STMN1: variants seen among roughly 807,000 people sequenced by gnomAD.
STMN1 encodes the protein stathmin.
Under a neutral mutation model 19.7 loss-of-function variants are expected in STMN1, and 3 were observed. The observed-to-expected ratio is 0.15, with a 90% CI of 0.07 to 0.39. STMN1 has a LOEUF of 0.39. Ranked by LOEUF, STMN1 falls within the 10% of genes least tolerant of loss-of-function variation. The pLI is 1.00. For synonymous variants in STMN1, 59 were observed against 58.9 expected (o/e 1.00, Z -0.01); for missense variants, 99 against 176.0 (o/e 0.56, Z 2.48).
Position 25,904,693 on chromosome 1 carries a change from G to A in STMN1, c.-17C>T. 6.2e-7 allele frequency: 1 copy of A among 1,613,624 alleles called. No individual in the cohort carries two copies. Among genetic ancestry groups the A allele is most frequent in the Non-Finnish European group, 8.5e-7 (1 of 1,179,858 alleles). The stretch of plus-strand genomic sequence containing the variant: ...AGAAGCCATGGTGAATAGAAGACAA[G>A]CGACAGGCAGTGTATTCTGCACAAT... On this transcript the variant is annotated 5_prime_UTR_variant, in exon 2 of 5. Transcript: ENST00000455785.
downstream of STMN1, among the ~76,000 whole-genome samples, chr1:25,897,751 T>A (rs1184651343): frequency 6.6e-6 from 1 of 152,104 alleles, no homozygotes; most frequent in African/African-American, 2.4e-5. Context: ...TGGGTAAGCT[T>A]CTCCTACTAG....
chr1:25,903,298 C>T (rs1015236883), intron 3 of STMN1: 37 of 193,588 alleles, frequency 1.9e-4, no homozygotes, highest in African/African-American at 8.8e-4. Context: ...AAAGAGGAAG[C>T]ATGAGAGAAG....
In STMN1 at chr1:25,903,809, G is replaced by C; in HGVS notation, c.18C>G (p.Ile6Met). The change falls in exon 3 of 5, where the codon ATC becomes ATG. Residue 6 changes from isoleucine (I) to methionine (M), a missense_variant. Coordinates refer to ENST00000455785, the MANE Select transcript of STMN1 (RefSeq NM_005563.4). ...CACGCTTCTCCAGTTCTTTCACCTG[G>C]ATATCTAGAATTGATTATATTTATA... MASSD[I>M]QVKELEKRAS... 6.2e-7 allele frequency: 1 copy of C among 1,601,672 alleles called. No homozygotes were observed. The highest frequency in any genetic ancestry group is 8.5e-7 in the Non-Finnish European group (1 of 1,176,608).
chr1:25,903,393 C>T (rs1166368773), intron 3 of STMN1: 6 of 415,876 alleles, frequency 1.4e-5, no homozygotes, highest in African/African-American at 8.3e-5. Context: ...AACGACTTAA[C>T]ATTCCTGAAA....
chr1:25,906,094 A>G lies in STMN1; in HGVS notation c.-63+295T>C, dbSNP rs1333039384. 6.6e-6 allele frequency: 1 copy of G among 152,042 alleles called. No individual in the cohort carries two copies. The highest frequency in any genetic ancestry group is 1.5e-5 in the Non-Finnish European group (1 of 68,048). 9.4% of individuals were successfully genotyped at this position (152,042 alleles called of 1,614,324 possible). ...GGAAGGGAGGGAGGGAGGGAGGTAA[A>G]CGAGGGCCCACGCCCCCTATTGTCT... On this transcript the variant is annotated intron_variant, in intron 1 of 4. Transcript: ENST00000455785. This position sits in a 1 kb window ranked among gnomAD's most constrained non-coding sequence, Gnocchi z 4.5.
downstream of STMN1, chr1:25,885,156 A>C (rs2048711522): frequency 6.5e-6 from 1 of 153,718 alleles, no homozygotes; most frequent in African/African-American, 2.4e-5. Context: ...CTGGGTACCA[A>C]AGGTACCCAA....
chr1:25,886,635 C>T (rs998331564), intron 4 of STMN1, among the ~76,000 whole-genome samples: 7 of 140,226 alleles, frequency 5.0e-5, no homozygotes, highest in Non-Finnish European at 1.1e-4. Context: ...GTTGCCCAGG[C>T]TGGAATGCAG....
intron 4 of STMN1, among the ~76,000 whole-genome samples, chr1:25,889,348 T>C (rs1208484254): frequency 1.3e-5 from 2 of 152,206 alleles, no homozygotes; most frequent in Non-Finnish European, 2.9e-5. Context: ...GTTTCTGTTA[T>C]AAGGGAGGAG....
chr1:25,904,697 C>T lies in STMN1; in HGVS notation c.-21G>A, dbSNP rs2048917173. The T allele has an allele frequency of 6.2e-7, 1 of 1,613,446 alleles. No homozygotes were observed. The highest frequency in any genetic ancestry group is 8.5e-7 in the Non-Finnish European group (1 of 1,179,866). ...GCCATGGTGAATAGAAGACAAGCGACAGGCAGTGTATTCTGCACAATCAAC... is the reference window on the plus strand; with the variant it reads ...GCCATGGTGAATAGAAGACAAGCGATAGGCAGTGTATTCTGCACAATCAAC... On this transcript the variant is annotated 5_prime_UTR_variant, in exon 2 of 5. Coordinates refer to ENST00000455785, the MANE Select transcript of STMN1 (RefSeq NM_005563.4).
chr1:25,898,692 T>C (rs1361756167), downstream of STMN1, among the ~76,000 whole-genome samples: 1 of 152,254 alleles, frequency 6.6e-6, no homozygotes, highest in Non-Finnish European at 1.5e-5. Context: ...GAATGGAGTC[T>C]GCTCCTTGGT....
chr1:25,886,925 C>G (rs757786725), intron 4 of STMN1, among the ~76,000 whole-genome samples: 1 of 152,082 alleles, frequency 6.6e-6, no homozygotes, highest in Non-Finnish European at 1.5e-5. Context: ...TGCTTCTCAT[C>G]TGGGACTCAG....
At chr1:25,893,221 T>G (rs2048791609) in intron 4 of STMN1, among the ~76,000 whole-genome samples, 1 of 152,264 alleles carries the variant, frequency 6.6e-6, no homozygotes, top group South Asian at 2.1e-4. Flanking sequence ...AAAATTGTTA[T>G]AAAAGTTTCT....
At chr1:25,898,584 G>C (rs532499644), downstream of STMN1, among the ~76,000 whole-genome samples, 6 of 152,258 alleles carry the variant, frequency 3.9e-5, no homozygotes, top group African/African-American at 1.4e-4. Flanking sequence ...CCTCCTTCAC[G>C]TCCTTCAAAC....
At chr1:25,892,649 A>G (rs2048786560) in intron 4 of STMN1, 2 of 974,054 alleles carry the variant, frequency 2.1e-6, no homozygotes, top group Non-Finnish European at 2.4e-6. Flanking sequence ...GTCAGAAGGA[A>G]AGCCTGCTGG....
chr1:25,893,350 T>C (rs1288821186), intron 4 of STMN1, among the ~76,000 whole-genome samples: 1 of 152,166 alleles, frequency 6.6e-6, no homozygotes, highest in Non-Finnish European at 1.5e-5. Context: ...AGAGGGACTC[T>C]GGCTTTACAG....
chr1:25,904,992 TCAGA>T, intron 1 of STMN1: 1 of 327,484 alleles, frequency 3.1e-6, no homozygotes, highest in Non-Finnish European at 5.6e-6. Flanking sequence ...ATTTTTAAAA[TCAGA>T]CAAAGTCACA....
At chr1:25,891,089 T>C (rs2048770625) in intron 4 of STMN1, among the ~76,000 whole-genome samples, 1 of 152,086 alleles carries the variant, frequency 6.6e-6, no homozygotes, top group Non-Finnish European at 1.5e-5. Context: ...TCCCAGCACT[T>C]TGGGAGGCCG....
At chr1:25,889,607 C>G (rs373739840) in intron 4 of STMN1, among the ~76,000 whole-genome samples, 1 of 152,200 alleles carries the variant, frequency 6.6e-6, no homozygotes, top group African/African-American at 2.4e-5. Flanking sequence ...GACCCTCCAC[C>G]TCACTGTCCA....
At chr1:25,904,464 C>T (rs2124257173) in intron 2 of STMN1, among the ~76,000 whole-genome samples, 200 bp downstream of exon 2, 1 of 152,330 alleles carries the variant, frequency 6.6e-6, no homozygotes, top group Middle Eastern at 3.4e-3. Context: ...TTGCTTCAGA[C>T]TAAGCCAAAC....
Sources: allele counts gnomAD v4.1 joint callset (sites outside exome capture counted in the v4.1 genomes callset), GRCh38; gene constraint gnomAD v4.1.1; non-coding constraint Gnocchi (gnomAD v3.1); transcripts MANE v1.5; gene names NCBI Gene and HGNC (gene_info 2026-07-23, HGNC 2026-07-21).